The following GRIK2 variants were observed in gnomAD, a reference collection of about 807,000 sequenced individuals.
The protein encoded by GRIK2 is glutamate ionotropic receptor kainate type subunit 2, also known as glutamate receptor ionotropic, kainate 2.
Under a neutral mutation model 100.3 loss-of-function variants are expected in GRIK2, and 32 were observed. That is an observed-to-expected ratio of 0.32 (90% CI 0.24 to 0.43). GRIK2 has a LOEUF of 0.43. Among genes scored for constraint, GRIK2 ranks in the 20% least tolerant of loss-of-function variants. GRIK2 has a pLI of 1.00. For missense variants in GRIK2, 843 were observed against 1,114.9 expected, an observed-to-expected ratio of 0.76 and a Z score of 3.47; for synonymous variants, 417 against 389.4, an observed-to-expected ratio of 1.07 and a Z score of -0.83.
At chr6:101,805,920 C>G (rs977187406) in intron 9 of GRIK2, among the ~76,000 whole-genome samples, 4 of 152,014 alleles carry the variant, frequency 2.6e-5, no homozygotes, top group Admixed American at 1.3e-4. Flanking sequence ...GTGGGCCATG[C>G]TCAAGTGTCT....
chr6:101,669,633 A>G (rs1159516233), intron 4 of GRIK2, among the ~76,000 whole-genome samples: 1 of 152,174 alleles, frequency 6.6e-6, no homozygotes, highest in African/African-American at 2.4e-5. Flanking sequence ...AAATAAATAT[A>G]TAGCCAATAA....
At chr6:101,701,739 C>T (rs1772912379) in intron 7 of GRIK2, among the ~76,000 whole-genome samples, 1 of 152,170 alleles carries the variant, frequency 6.6e-6, no homozygotes, top group African/African-American at 2.4e-5. Context: ...AGATATTACT[C>T]ACTTTTAAAA....
At chr6:101,744,547 T>TATATATACACAC (rs1776288670) in intron 7 of GRIK2, 1 of 129,352 alleles carries the variant, frequency 7.7e-6, no homozygotes, top group Non-Finnish European at 1.6e-5. Flanking sequence ...TATATATATA[T>TATATATACACAC]ATATATATAT....
chr6:101,859,238 A>C lies in GRIK2; in HGVS notation c.1318-49A>C, dbSNP rs770473483. 8 of 919,158 alleles carry C rather than the reference A, an allele frequency of 8.7e-6. No individual in the cohort carries two copies. The African/African-American group carries it at 1.3e-4, about 15-fold the overall frequency. The allele number at this position is 919,158 out of a possible 1,614,324, so 56.9% of individuals were successfully genotyped here. A position where few individuals can be genotyped will look rare whatever the true frequency, so the allele number is the denominator to read the frequency against. ...AAGAAAAGCAATAATTCTGATGATGAGTTTCATGATTAACTGTTACCTCTT... is the reference window on the plus strand; with the variant it reads ...AAGAAAAGCAATAATTCTGATGATGCGTTTCATGATTAACTGTTACCTCTT... On this transcript the variant is annotated intron_variant, in intron 10 of 16. Coordinates refer to ENST00000369134, the MANE Select transcript of GRIK2 (RefSeq NM_021956.5).
intron 2 of GRIK2, among the ~76,000 whole-genome samples, chr6:101,528,751 A>G (rs1775277106): frequency 6.6e-6 from 1 of 152,188 alleles, no homozygotes; most frequent in Admixed American, 6.6e-5. Context: ...ATTCTAAAGA[A>G]GAAAATACCA....
chr6:101,989,053 T>C (rs1447239327), intron 14 of GRIK2, among the ~76,000 whole-genome samples: 1 of 152,028 alleles, frequency 6.6e-6, no homozygotes, highest in African/African-American at 2.4e-5. Flanking sequence ...GTCAATCTTG[T>C]TCTATTATGA....
chr6:101,653,223 T>C lies in GRIK2; in HGVS notation c.542-23400T>C, dbSNP rs1582897614. Among the ~76,000 whole-genome samples the C allele has an allele frequency of 2.0e-5, 3 of 152,116 alleles. No individual in the cohort carries two copies. In the South Asian group the frequency reaches 6.2e-4, roughly 31 times the overall value. On this transcript the variant is annotated intron_variant, in intron 4 of 16. Transcript: ENST00000369134. ...GCTTGCCCCAGGCAGCTCTCACTTA[T>C]TTTGTATCAAATTATCCCCTCAGAA...
At chr6:101,740,565 C>T (rs975688877) in intron 7 of GRIK2, among the ~76,000 whole-genome samples, 1 of 151,998 alleles carries the variant, frequency 6.6e-6, no homozygotes. Flanking sequence ...AGGTTTGACC[C>T]CATGTTTAAA....
intron 2 of GRIK2, among the ~76,000 whole-genome samples, chr6:101,605,124 A>G (rs1296019492): frequency 6.6e-6 from 1 of 151,964 alleles, no homozygotes; most frequent in African/African-American, 2.4e-5. Context: ...TCTCAACACA[A>G]TGCATATGTT....
chr6:101,956,511 AT>A (rs1281383738), intron 14 of GRIK2, among the ~76,000 whole-genome samples: 1 of 151,886 alleles, frequency 6.6e-6, no homozygotes, highest in Admixed American at 6.6e-5. Context: ...ACAATAGGTA[AT>A]TTTCAATCCT....
intron 12 of GRIK2, among the ~76,000 whole-genome samples, chr6:101,901,706 G>A (rs1787856261): frequency 6.6e-6 from 1 of 151,632 alleles, no homozygotes; most frequent in South Asian, 2.1e-4. Flanking sequence ...TTCTAAAGTT[G>A]ATTATTTTAT....
chr6:101,593,522 A>G (rs1778775955), intron 2 of GRIK2, among the ~76,000 whole-genome samples: 1 of 151,932 alleles, frequency 6.6e-6, no homozygotes, highest in Non-Finnish European at 1.5e-5. Flanking sequence ...ACTAAAGCCC[A>G]GCTGCTTAAT....
intron 2 of GRIK2, among the ~76,000 whole-genome samples, chr6:101,519,240 A>G (rs1483546582): frequency 2.0e-5 from 3 of 151,778 alleles, no homozygotes; most frequent in Non-Finnish European, 4.4e-5. Context: ...AAAGTTTGGA[A>G]AAAGATTCAT....
chr6:101,554,051 T>C (rs1332491715), intron 2 of GRIK2, among the ~76,000 whole-genome samples: 2 of 152,204 alleles, frequency 1.3e-5, no homozygotes, highest in Non-Finnish European at 2.9e-5. Context: ...CACATGCTTC[T>C]ATATGTGACC....
At chr6:101,952,967 A>G (rs1453845151) in intron 14 of GRIK2, among the ~76,000 whole-genome samples, 2 of 152,166 alleles carry the variant, frequency 1.3e-5, no homozygotes, top group Non-Finnish European at 2.9e-5. Flanking sequence ...ACTCTCCACC[A>G]TACCTAATAA....
intron 2 of GRIK2, among the ~76,000 whole-genome samples, chr6:101,445,942 GC>G (rs1288765962): frequency 1.3e-5 from 2 of 151,908 alleles, no homozygotes; most frequent in African/African-American, 4.8e-5. Flanking sequence ...CATCTATAAG[GC>G]CCTAATATTA....
intron 4 of GRIK2, among the ~76,000 whole-genome samples, chr6:101,631,081 A>G (rs1780723259): frequency 6.6e-6 from 1 of 152,140 alleles, no homozygotes; most frequent in Admixed American, 6.6e-5. Flanking sequence ...ATTTTTTACG[A>G]TAATTAGCAT....
intron 2 of GRIK2, among the ~76,000 whole-genome samples, chr6:101,604,583 T>C (rs1269978085): frequency 6.6e-6 from 1 of 151,874 alleles, no homozygotes; most frequent in African/African-American, 2.4e-5. Flanking sequence ...TAACACTCAT[T>C]TTATTCATTT....
chr6:101,996,004 T>C (rs1794632194), intron 14 of GRIK2, among the ~76,000 whole-genome samples: 1 of 152,026 alleles, frequency 6.6e-6, no homozygotes, highest in Non-Finnish European at 1.5e-5. Flanking sequence ...AAGGTCTTTG[T>C]AGCATCACTG....
Sources: allele counts gnomAD v4.1 joint callset (sites outside exome capture counted in the v4.1 genomes callset), GRCh38; gene constraint gnomAD v4.1.1; transcripts MANE v1.5; gene names NCBI Gene and HGNC (gene_info 2026-07-23, HGNC 2026-07-21).